The following PER2 variants were observed in gnomAD, a reference collection of about 807,000 sequenced individuals.
PER2 encodes the protein period circadian regulator 2, also known as period circadian protein homolog 2.
A neutral mutation model predicts 121.0 loss-of-function variants in PER2; 66 were observed. The observed-to-expected ratio is 0.55, with a 90% confidence interval of 0.45 to 0.67. The LOEUF is 0.67. PER2 is among the 30% of genes least tolerant of loss of function. The pLI is 0.00. For missense variants in PER2, 1,521 were observed against 1,635.0 expected (o/e 0.93, Z 1.20); for synonymous variants, 684 against 659.9 (o/e 1.04, Z -0.56).
In PER2 at chr2:238,268,816, T is replaced by C. The variant is rs1490795384; in HGVS notation, c.824+107A>G. On this transcript the variant is annotated intron_variant, in intron 7 of 22. Transcript: ENST00000254657. The surrounding 1 kb of genome is among the most constrained non-coding windows in gnomAD (Gnocchi z 4.0). Reference sequence around the variant, plus strand: ...TGGTAGACTTCAGAAACAGGCGTGCTGAGTCCCTGCAGGCAGGGATCACGC... The same window carrying C: ...TGGTAGACTTCAGAAACAGGCGTGCCGAGTCCCTGCAGGCAGGGATCACGC... The C allele has an allele frequency of 1.2e-6, 1 of 810,930 alleles. No individual in the cohort carries two copies. Among genetic ancestry groups the C allele is most frequent in the Non-Finnish European group, 2.2e-6 (1 of 458,024 alleles). 50.2% of individuals were successfully genotyped at this position (810,930 alleles called of 1,614,324 possible). A position where few individuals can be genotyped will look rare whatever the true frequency, so the allele number is the denominator to read the frequency against.
intron 14 of PER2, 65 bp downstream of exon 14, chr2:238,259,904 T>C: frequency 1.3e-6 from 1 of 771,484 alleles, no homozygotes; most frequent in South Asian, 1.5e-5. Flanking sequence ...TTAACCCAGG[T>C]TCCCTCTTCT....
At chr2:238,291,124 G>T (rs555983895), upstream of PER2, among the ~76,000 whole-genome samples, 9 of 152,366 alleles carry the variant, frequency 5.9e-5, no homozygotes, top group Admixed American at 5.9e-4. Flanking sequence ...GAGGCAGGCT[G>T]GCTAGGAGAC....
chr2:238,291,801 G>A (rs1251883726), upstream of PER2, among the ~76,000 whole-genome samples: 3 of 152,244 alleles, frequency 2.0e-5, no homozygotes, highest in African/African-American at 4.8e-5. Flanking sequence ...GGGCACCTGT[G>A]TCCAGGGTCT....
At chr2:238,248,109 C>T (rs1285663369) in intron 22 of PER2, among the ~76,000 whole-genome samples, 3 of 152,112 alleles carry the variant, frequency 2.0e-5, no homozygotes, top group Admixed American at 6.5e-5. Context: ...ACACTGAGCC[C>T]GAGGGTGGGC....
Position 238,249,111 on chromosome 2 carries a change from A to C in PER2, c.3569T>G (p.Val1190Gly). Residue 1190 changes from valine to glycine, a missense_variant, in exon 22 of 23, where the codon GTC becomes GGC. By Grantham distance (109) the Val-to-Gly change is moderately radical. Coordinates refer to ENST00000254657, the MANE Select transcript of PER2 (RefSeq NM_022817.3). ...TESQKQELRE[V>G]HQWMQTGGLP... ...GCCGCCCGTCTGCATCCACTGGTGG[A>C]CCTCGCGCAGCTCCTGCTTCTGACT... is the stretch of plus-strand genomic sequence containing the variant. 6.2e-7 allele frequency: 1 copy of C among 1,614,122 alleles called. No individual in the cohort carries two copies.
At chr2:238,282,523 T>C (rs547696146) in intron 1 of PER2, among the ~76,000 whole-genome samples, 112 of 152,276 alleles carry the variant, frequency 7.4e-4, no homozygotes, top group African/African-American at 2.6e-3. Flanking sequence ...ACTAAAAGGA[T>C]AGAGGCCAGA....
In PER2 at chr2:238,244,462, T is replaced by C. The variant is rs1174380067; in HGVS notation, c.*1913A>G. On this transcript the variant is annotated 3_prime_UTR_variant, in exon 23 of 23. Transcript: ENST00000254657. ...ATGGTAAACATTCATAACAGCAGAG[T>C]AAGATTTTGGCAGTTTTGTGTTTCG... 2.6e-5 allele frequency: 4 copies of C among 152,320 alleles called. No homozygotes were observed. Among genetic ancestry groups the C allele is most frequent in the Non-Finnish European group, 5.9e-5 (4 of 68,016 alleles). The allele number at this position is 152,320 out of a possible 1,614,324, so 9.4% of individuals were successfully genotyped here. A position where few individuals can be genotyped will look rare whatever the true frequency, so the allele number is the denominator to read the frequency against.
chr2:238,262,806 G>A (rs1031005817), intron 10 of PER2, 146 bp downstream of exon 10: 7 of 691,780 alleles, frequency 1.0e-5, no homozygotes, highest in East Asian at 5.4e-5. Context: ...GCAGTGCCAG[G>A]AGGGAGGCGG....
chr2:238,267,950 G>T, intron 8 of PER2, 106 bp downstream of exon 8: 1 of 1,297,166 alleles, frequency 7.7e-7, no homozygotes, highest in Non-Finnish European at 1.1e-6. Context: ...CAAGGCTGGG[G>T]AACTGCAGCG....
At chr2:238,271,116 A>AT (rs1696269518) in intron 6 of PER2, among the ~76,000 whole-genome samples, 196 bp downstream of exon 6, 1 of 152,302 alleles carries the variant, frequency 6.6e-6, no homozygotes, top group African/African-American at 2.4e-5. Context: ...TGGAAAGACT[A>AT]TTTTTTTCTC....
chr2:238,252,836 C>G lies in PER2; in HGVS notation c.3111+76G>C, dbSNP rs903217529. 6 of 1,271,994 alleles carry G rather than the reference C, an allele frequency of 4.7e-6. No homozygotes were observed. The highest frequency in any genetic ancestry group is 1.5e-5 in the African/African-American group (1 of 68,662). The allele number at this position is 1,271,994 out of a possible 1,614,324, so 78.8% of individuals were successfully genotyped here. A position where few individuals can be genotyped will look rare whatever the true frequency, so the allele number is the denominator to read the frequency against. On this transcript the variant is annotated intron_variant, in intron 19 of 22. Transcript: ENST00000254657. This position sits in a 1 kb window ranked among gnomAD's most constrained non-coding sequence, Gnocchi z 4.2. The stretch of plus-strand genomic sequence containing the variant: ...CAATCGTGTAACCCCCATGTCTGAA[C>G]TGAGGATGTGCGGCCGGCCTGCCAG...
intron 22 of PER2, among the ~76,000 whole-genome samples, chr2:238,248,337 C>G (rs73088911): frequency 6.6e-6 from 1 of 152,038 alleles, no homozygotes; most frequent in Non-Finnish European, 1.5e-5. Context: ...AGGGAGGGGT[C>G]GGCAGAGAGC....
Position 238,250,638 on chromosome 2 carries a change from A to C in PER2, c.3380T>G (p.Phe1127Cys), listed in dbSNP as rs758030178. 23 of 1,613,666 alleles carry C rather than the reference A, an allele frequency of 1.4e-5. No individual in the cohort carries two copies. In the Admixed American group the frequency reaches 1.7e-4, roughly 12 times the overall value. Residue 1127 changes from phenylalanine to cysteine, a missense_variant, in exon 21 of 23, where the codon TTC becomes TGC. Phe to Cys is a radical substitution (Grantham distance 205, BLOSUM62 -2). Transcript: ENST00000254657. ...MNTGMEESEH[F>C]IKCVLQDPIW... Reference sequence around the variant, plus strand: ...GGGATCCTGCAGGACGCACTTAATGAAATGCTCACTTTCTTCCATACCAGT... The same window carrying C: ...GGGATCCTGCAGGACGCACTTAATGCAATGCTCACTTTCTTCCATACCAGT...
chr2:238,245,844 A>C lies in PER2; in HGVS notation c.*531T>G. On this transcript the variant is annotated 3_prime_UTR_variant, in exon 23 of 23. Transcript: ENST00000254657. ...CAACGCTTCACACCATTTAATGTGAAACGTTTTGAAATAAAACTAGGAGAG... is the reference window on the plus strand; with the variant it reads ...CAACGCTTCACACCATTTAATGTGACACGTTTTGAAATAAAACTAGGAGAG... 1 of 394,346 alleles carries C rather than the reference A, an allele frequency of 2.5e-6. No individual in the cohort carries two copies. The highest frequency in any genetic ancestry group is 3.6e-5 in the East Asian group (1 of 27,836). 24.4% of individuals were successfully genotyped at this position (394,346 alleles called of 1,614,324 possible).
intron 6 of PER2, 127 bp downstream of exon 6, chr2:238,271,185 G>C (rs1696271731): frequency 1.2e-6 from 1 of 800,772 alleles, no homozygotes. Flanking sequence ...AGAGCAGGCA[G>C]CTGGCGGCCC....
chr2:238,249,403 C>T (rs1320210073), intron 21 of PER2, among the ~76,000 whole-genome samples, 191 bp from the exon 22 acceptor site: 1 of 152,138 alleles, frequency 6.6e-6, no homozygotes, highest in African/African-American at 2.4e-5. Context: ...AATGATGATT[C>T]TGGTCAAGAT....
chr2:238,266,109 T>C (rs975118323), intron 8 of PER2, among the ~76,000 whole-genome samples: 4 of 151,884 alleles, frequency 2.6e-5, no homozygotes, highest in East Asian at 3.9e-4. Context: ...TTCACCGTGT[T>C]GGCCAGGATG....
At position 238,244,947 on chromosome 2, in the gene PER2, T is replaced by C. The variant is rs1271244035; in HGVS notation, c.*1428A>G. 6.9e-6 allele frequency: 1 copy of C among 144,912 alleles called. No individual in the cohort carries two copies. Among genetic ancestry groups the C allele is most frequent in the African/African-American group, 2.6e-5 (1 of 38,622 alleles). 9.0% of individuals were successfully genotyped at this position (144,912 alleles called of 1,614,324 possible). ...CTGTGGTCCCAGCTACTCAGGAGGC[T>C]GAGGCAGGAGAATCGCTTGAACCTG... On this transcript the variant is annotated 3_prime_UTR_variant, in exon 23 of 23. Transcript: ENST00000254657.
upstream of PER2, among the ~76,000 whole-genome samples, chr2:238,294,227 T>A (rs1218001464): frequency 2.0e-5 from 3 of 152,252 alleles, no homozygotes; most frequent in Non-Finnish European, 4.4e-5. Flanking sequence ...TCCCTGGCTC[T>A]GTCCCTCTCT....
Sources: gnomAD v4.1 joint callset for allele counts (sites outside exome capture counted in the v4.1 genomes callset) on GRCh38, gnomAD v4.1.1 for gene constraint, Gnocchi (gnomAD v3.1) non-coding constraint, MANE v1.5 for transcripts, NCBI Gene and HGNC (gene_info 2026-07-23, HGNC 2026-07-21) for gene names.